Variants in KDM2B observed in about 807,000 individuals in gnomAD.
The protein encoded by KDM2B is lysine demethylase 2B.
KDM2B carries 26 observed loss-of-function variants against 150.0 expected under a neutral mutation model. The ratio of observed to expected loss-of-function variants is 0.17; its 90% CI spans 0.13 to 0.24. The LOEUF (loss-of-function observed/expected upper bound fraction) is 0.24, where lower values mean the gene tolerates loss of function less well. Ranked by LOEUF, KDM2B falls within the 10% of genes least tolerant of loss-of-function variation. KDM2B has a pLI of 1.00. For missense variants in KDM2B, 1,265 were observed against 1,816.9 expected, an observed-to-expected ratio of 0.70 and a Z score of 5.52; for synonymous variants, 734 against 729.5, an observed-to-expected ratio of 1.01 and a Z score of -0.10.
Position 121,509,815 on chromosome 12 carries a change from G to A in KDM2B, c.1399C>T (p.Arg467Ter). 1 of 1,614,068 alleles carries A rather than the reference G, an allele frequency of 6.2e-7. No homozygotes were observed. Residue 467 changes from arginine to a stop codon, truncating the protein, a stop_gained, in exon 11 of 23, where the codon CGA (arginine) becomes TGA (stop). Coordinates refer to ENST00000377071, the MANE Select transcript of KDM2B (RefSeq NM_032590.5). LOFTEE classifies it high-confidence loss of function. ...TTAGACAAAGTCCTTTTGAGGAATC[G>A]CAGGGCAGGTGCTTTGGGCTTCTTC... ...LGKKPKAPAL[R>*]FLKRTLSNES...
At chr12:121,423,362 C>T in the KDM2B span, 7 of 1,574,944 alleles carry the variant, frequency 4.4e-6, 1 homozygote, top group Non-Finnish European at 6.0e-6. This position sits in a 1 kb window ranked among gnomAD's most constrained non-coding sequence, Gnocchi z 4.3. Context: ...GAAGCCGAGG[C>T]CTTAGCTCTC....
intron 12 of KDM2B, among the ~76,000 whole-genome samples, chr12:121,460,138 C>T (rs890350101): frequency 6.6e-6 from 1 of 152,198 alleles, no homozygotes; most frequent in East Asian, 1.9e-4. Context: ...CCCTAATTCA[C>T]AAATCCACCA....
chr12:121,469,014 C>T (rs1474607753), intron 12 of KDM2B: 1 of 151,978 alleles, frequency 6.6e-6, no homozygotes, highest in Non-Finnish European at 1.5e-5. Context: ...TGTGCCTCAG[C>T]CTCCAGAGTA....
intron 12 of KDM2B, among the ~76,000 whole-genome samples, chr12:121,474,677 G>A (rs1555296447): frequency 6.6e-6 from 1 of 152,212 alleles, no homozygotes; most frequent in Non-Finnish European, 1.5e-5. Flanking sequence ...AAATAGCTGG[G>A]CATGGTGGCT....
At chr12:121,473,388 CAAAA>C (rs138780057) in intron 12 of KDM2B, among the ~76,000 whole-genome samples, 1 of 111,826 alleles carries the variant, frequency 8.9e-6, no homozygotes, top group African/African-American at 3.7e-5. Context: ...GACTCTGTCT[CAAAA>C]AAAAAAAAAA....
intron 11 of KDM2B, among the ~76,000 whole-genome samples, chr12:121,497,911 C>T (rs1411045663): frequency 6.6e-6 from 1 of 151,908 alleles, no homozygotes; most frequent in Non-Finnish European, 1.5e-5. Flanking sequence ...TCCTGATCAA[C>T]ATGGAGAAAC....
chr12:121,462,667 T>C (rs1319672917), intron 12 of KDM2B, among the ~76,000 whole-genome samples: 8 of 152,178 alleles, frequency 5.3e-5, no homozygotes, highest in African/African-American at 1.9e-4. Flanking sequence ...TAATTTTTTG[T>C]ATTTTTAGTA....
chr12:121,477,843 G>A (rs1555297059), intron 12 of KDM2B, among the ~76,000 whole-genome samples: 1 of 151,898 alleles, frequency 6.6e-6, no homozygotes, highest in Non-Finnish European at 1.5e-5. Flanking sequence ...CTCCCAAAGT[G>A]CTAGGATTAC....
chr12:121,444,349 G>C lies in KDM2B; in HGVS notation c.2191-77C>G, dbSNP rs782539345. On this transcript the variant is annotated intron_variant, in intron 15 of 22. Transcript: ENST00000377071. Reference sequence around the variant, plus strand: ...TGCCCTTCCTCCTCCCCAGGCCGACGGCAACCCACCTGCCTGAAACTCCTG... The same window carrying C: ...TGCCCTTCCTCCTCCCCAGGCCGACCGCAACCCACCTGCCTGAAACTCCTG... 5 of 1,606,376 alleles carry C rather than the reference G, an allele frequency of 3.1e-6. No individual in the cohort carries two copies. The Admixed American group carries it at 5.0e-5, about 16-fold the overall frequency.
intron 8 of KDM2B, among the ~76,000 whole-genome samples, chr12:121,528,105 T>C (rs116164544): frequency 2.6e-5 from 4 of 152,364 alleles, no homozygotes; most frequent in African/African-American, 9.6e-5. Context: ...CGCTGTATTC[T>C]CACCTCCTGC....
chr12:121,497,465 T>G (rs1300890879), intron 11 of KDM2B, among the ~76,000 whole-genome samples: 1 of 152,004 alleles, frequency 6.6e-6, no homozygotes, highest in Non-Finnish European at 1.5e-5. Context: ...CCACCACCCC[T>G]GGCTAATTTT....
rs575741232 is a variant in KDM2B at position 121,461,409 on chromosome 12, G to T, written c.1735-8065C>A. On this transcript the variant is annotated intron_variant, in intron 12 of 22. Coordinates refer to ENST00000377071, the MANE Select transcript of KDM2B (RefSeq NM_032590.5). ...TGACTGTATTCTGGCAACAGTGAGGGGAGTGGATATTTTTGGGGCAGTGGG... is the reference window on the plus strand; with the variant it reads ...TGACTGTATTCTGGCAACAGTGAGGTGAGTGGATATTTTTGGGGCAGTGGG... Among the ~76,000 whole-genome samples, 3 of 152,250 alleles carry T rather than the reference G, an allele frequency of 2.0e-5. No homozygotes were observed. The South Asian group carries it at 6.2e-4, about 32-fold the overall frequency.
chr12:121,410,147 T>A, the KDM2B span, among the ~76,000 whole-genome samples: 1 of 144,062 alleles, frequency 6.9e-6, no homozygotes, highest in Non-Finnish European at 1.5e-5. Context: ...AGAGCGAAAC[T>A]CCGTCTCAAA....
intron 11 of KDM2B, among the ~76,000 whole-genome samples, chr12:121,499,026 G>A (rs1884254555): frequency 6.6e-6 from 1 of 151,774 alleles, no homozygotes; most frequent in Non-Finnish European, 1.5e-5. Context: ...GCCCAGGTTG[G>A]TCTCAAATTC....
chr12:121,492,849 AG>A (rs1357334747), intron 12 of KDM2B, among the ~76,000 whole-genome samples: 1 of 151,666 alleles, frequency 6.6e-6, no homozygotes, highest in African/African-American at 2.4e-5. Context: ...AGAAAAAAAA[AG>A]AAAAAGAAAA....
At chr12:121,420,949 C>T in the KDM2B span, among the ~76,000 whole-genome samples, 1 of 152,066 alleles carries the variant, frequency 6.6e-6, no homozygotes, top group Non-Finnish European at 1.5e-5. Flanking sequence ...GGAGTAACTT[C>T]ATTATGTGAT....
rs782545888 is a variant in KDM2B at position 121,440,963 on chromosome 12, C to G, written c.3463G>C (p.Val1155Leu). 3 of 1,613,782 alleles carry G rather than the reference C, an allele frequency of 1.9e-6. No homozygotes were observed. Among genetic ancestry groups the G allele is most frequent in the Non-Finnish European group, 2.5e-6 (3 of 1,179,900 alleles). The change falls in exon 21 of 23, where the codon GTG becomes CTG. Residue 1155 changes from valine to leucine, a missense_variant. By Grantham distance (32) the Val-to-Leu change is conservative. This residue lies in a region of KDM2B where 251 missense variants were observed against 397.8 expected (regional missense o/e 0.63). Coordinates refer to ENST00000377071, the MANE Select transcript of KDM2B (RefSeq NM_032590.5). The stretch of plus-strand genomic sequence containing the variant: ...GCGATCCATGAGCAGCCTGACAGCA[C>G]CAAGTCCCGGAGCCCTGGGGGGACA... ...INRLPGLRDLVLSGCSWIAVS... is the reference protein window; with the variant it reads ...INRLPGLRDLLLSGCSWIAVS...
In KDM2B at chr12:121,534,776, G is replaced by A. The variant is rs1223172820; in HGVS notation, c.684-186C>T. The A allele has an allele frequency of 5.3e-6, 3 of 561,824 alleles. No individual in the cohort carries two copies. The African/African-American group carries it at 5.7e-5, about 11-fold the overall frequency. 34.8% of individuals were successfully genotyped at this position (561,824 alleles called of 1,614,324 possible). Reference sequence around the variant, plus strand: ...CCCACGGGGGAAGCCCCTGTGATCAGGTGACAAATCTCAAGCACTGGTCGC... The same window carrying A: ...CCCACGGGGGAAGCCCCTGTGATCAAGTGACAAATCTCAAGCACTGGTCGC... On this transcript the variant is annotated intron_variant, in intron 6 of 22. Transcript: ENST00000377071.
intron 22 of KDM2B, among the ~76,000 whole-genome samples, chr12:121,434,526 C>T (rs1343978084): frequency 6.1e-5 from 9 of 147,264 alleles, no homozygotes; most frequent in Admixed American, 6.1e-4. Flanking sequence ...AAAAAAGAAT[C>T]AGGAGCCCAG....
Sources: allele counts gnomAD v4.1 joint callset (sites outside exome capture counted in the v4.1 genomes callset), GRCh38; gene constraint gnomAD v4.1.1; regional missense constraint gnomAD v4.1.1; non-coding constraint Gnocchi (gnomAD v3.1); transcripts MANE v1.5; gene names NCBI Gene and HGNC (gene_info 2026-07-23, HGNC 2026-07-21).